XKR6: variants seen among roughly 807,000 people sequenced by gnomAD.
XKR6 encodes XK related 6, also known as XK-related protein 6.
In XKR6, 22 loss-of-function variants were observed where a neutral mutation model predicts 56.7. The ratio of observed to expected loss-of-function variants is 0.39; its 90% CI spans 0.28 to 0.55. The LOEUF is 0.55. Ranked by LOEUF, XKR6 falls within the 20% of genes least tolerant of loss-of-function variation. XKR6 has a pLI of 0.66. For missense variants in XKR6, 852 were observed against 889.0 expected (o/e 0.96, Z 0.53); for synonymous variants, 524 against 387.8 (o/e 1.35, Z -4.13).
intron 1 of XKR6, among the ~76,000 whole-genome samples, chr8:10,995,617 G>C (rs962166984): frequency 6.6e-6 from 1 of 150,812 alleles, no homozygotes; most frequent in Non-Finnish European, 1.5e-5. Flanking sequence ...GAGCCTGGGA[G>C]GTTGAGGCTG....
At chr8:11,146,889 C>T (rs1035517221) in intron 1 of XKR6, among the ~76,000 whole-genome samples, 2 of 151,942 alleles carry the variant, frequency 1.3e-5, no homozygotes, top group African/African-American at 4.8e-5. Flanking sequence ...ACAAATACCA[C>T]ATAATCTCAC....
chr8:11,146,874 G>T (rs1801011599), intron 1 of XKR6, among the ~76,000 whole-genome samples: 1 of 151,834 alleles, frequency 6.6e-6, no homozygotes, highest in Admixed American at 6.6e-5. Flanking sequence ...GCCAGACACA[G>T]AAAAACAAAT....
chr8:11,040,557 C>A (rs113412846), intron 1 of XKR6, among the ~76,000 whole-genome samples: 1 of 152,020 alleles, frequency 6.6e-6, no homozygotes, highest in African/African-American at 2.4e-5. Flanking sequence ...CTACCACAGC[C>A]TGGGAGGCTT....
At chr8:11,155,334 A>T (rs888165195) in intron 1 of XKR6, among the ~76,000 whole-genome samples, 1 of 152,258 alleles carries the variant, frequency 6.6e-6, no homozygotes, top group Admixed American at 6.5e-5. Flanking sequence ...TGATATGTTT[A>T]AAACTGAAGG....
intron 1 of XKR6, among the ~76,000 whole-genome samples, chr8:11,174,828 C>A (rs1025269112): frequency 6.6e-6 from 1 of 152,186 alleles, no homozygotes; most frequent in East Asian, 1.9e-4. Context: ...CACAAGAGAA[C>A]GGATGATCAA....
At chr8:10,961,619 T>C (rs73662657) in intron 1 of XKR6, among the ~76,000 whole-genome samples, 6 of 152,324 alleles carry the variant, frequency 3.9e-5, no homozygotes, top group African/African-American at 1.2e-4. Context: ...CCCACATGGG[T>C]GGCAAACACA....
At chr8:11,053,107 C>T (rs564833757) in intron 1 of XKR6, among the ~76,000 whole-genome samples, 111 of 152,328 alleles carry the variant, frequency 7.3e-4, no homozygotes, top group Non-Finnish European at 1.3e-3. Flanking sequence ...CCCAAGGGAC[C>T]GCAGGCTTCC....
At chr8:11,134,210 C>CCT (rs1800265357) in intron 1 of XKR6, among the ~76,000 whole-genome samples, 1 of 152,136 alleles carries the variant, frequency 6.6e-6, no homozygotes, top group Non-Finnish European at 1.5e-5. Context: ...CCCAAACAAC[C>CCT]CTCTCCCACC....
chr8:10,975,891 C>CGCCCA, intron 1 of XKR6, among the ~76,000 whole-genome samples: 1 of 152,118 alleles, frequency 6.6e-6, no homozygotes, highest in Non-Finnish European at 1.5e-5. Context: ...GTATCAAAAG[C>CGCCCA]GCCCACCACG....
intron 1 of XKR6, among the ~76,000 whole-genome samples, chr8:11,116,798 T>G (rs530251295): frequency 6.6e-6 from 1 of 152,094 alleles, no homozygotes; most frequent in Non-Finnish European, 1.5e-5. Flanking sequence ...ATTTCCCCCT[T>G]TTTCCTTCAA....
At chr8:10,976,625 T>C (rs554449674) in intron 1 of XKR6, among the ~76,000 whole-genome samples, 1 of 152,232 alleles carries the variant, frequency 6.6e-6, no homozygotes, top group Non-Finnish European at 1.5e-5. Flanking sequence ...GTCTCCACGT[T>C]CAAGAGTACA....
chr8:11,090,591 T>C (rs949255785), intron 1 of XKR6, among the ~76,000 whole-genome samples: 2 of 152,212 alleles, frequency 1.3e-5, no homozygotes, highest in African/African-American at 4.8e-5. Flanking sequence ...ATGATAGATA[T>C]GAAACAGTAT....
At chr8:11,045,834 A>T (rs1586472352) in intron 1 of XKR6, among the ~76,000 whole-genome samples, 1 of 152,362 alleles carries the variant, frequency 6.6e-6, no homozygotes, top group South Asian at 2.1e-4. Flanking sequence ...GTAAACGTTT[A>T]CTGTGTCTCA....
chr8:10,984,300 T>TA (rs1797801624), intron 1 of XKR6, among the ~76,000 whole-genome samples: 1 of 152,200 alleles, frequency 6.6e-6, no homozygotes, highest in Non-Finnish European at 1.5e-5. Context: ...TAAAACATAA[T>TA]AAAATTCTTA....
chr8:10,971,759 C>G (rs936182437), intron 1 of XKR6, among the ~76,000 whole-genome samples: 1 of 152,312 alleles, frequency 6.6e-6, no homozygotes, highest in East Asian at 1.9e-4. Context: ...GCTCTGCACA[C>G]AAAGGAGGCA....
At chr8:11,121,060 G>T (rs1255611617) in intron 1 of XKR6, among the ~76,000 whole-genome samples, 3 of 152,272 alleles carry the variant, frequency 2.0e-5, no homozygotes, top group South Asian at 2.1e-4. Flanking sequence ...AGCCTTACAT[G>T]TTAGACCTAA....
intron 1 of XKR6, among the ~76,000 whole-genome samples, chr8:11,053,024 T>C (rs1395608638): frequency 1.3e-5 from 2 of 152,130 alleles, no homozygotes; most frequent in East Asian, 1.9e-4. Flanking sequence ...GGGTCCAGCC[T>C]AGGTGGGAGG....
chr8:10,940,802 G>T (rs758160377), intron 1 of XKR6, among the ~76,000 whole-genome samples: 9 of 152,158 alleles, frequency 5.9e-5, no homozygotes, highest in Non-Finnish European at 1.0e-4. Flanking sequence ...AGGCCGGCGG[G>T]CCCATCACCA....
chr8:11,167,438 GCT>G (rs1350891594), intron 1 of XKR6, among the ~76,000 whole-genome samples: 1 of 152,124 alleles, frequency 6.6e-6, no homozygotes, highest in Non-Finnish European at 1.5e-5. Flanking sequence ...CAAGGTTCAT[GCT>G]TAAAACTCAA....
Sources: gnomAD v4.1 joint callset for allele counts (sites outside exome capture counted in the v4.1 genomes callset) on GRCh38, gnomAD v4.1.1 for gene constraint, MANE v1.5 for transcripts, NCBI Gene and HGNC (gene_info 2026-07-23, HGNC 2026-07-21) for gene names.